The following MACF1 variants were observed in gnomAD, a reference collection of about 807,000 sequenced individuals.
MACF1 encodes the protein microtubule-actin cross-linking factor 1.
A neutral mutation model predicts 854.8 loss-of-function variants in MACF1; 193 were observed. The observed-to-expected ratio is 0.23, with a 90% CI of 0.20 to 0.25. The LOEUF (loss-of-function observed/expected upper bound fraction) is 0.25, where lower values mean the gene tolerates loss of function less well. Among genes scored for constraint, MACF1 ranks in the 10% least tolerant of loss-of-function variants. The pLI, the probability that MACF1 is intolerant of heterozygous loss-of-function variation, is 1.00. For synonymous variants in MACF1, 3,185 were observed against 3,226.7 expected, an observed-to-expected ratio of 0.99 and a Z score of 0.44; for missense variants, 7,722 against 8,929.1, an observed-to-expected ratio of 0.86 and a Z score of 5.45.
intron 57 of MACF1, 143 bp from the exon 58 acceptor site, chr1:39,387,044 G>A: frequency 1.3e-6 from 1 of 774,208 alleles, no homozygotes; most frequent in Non-Finnish European, 2.1e-6. Context: ...GTACATGAAG[G>A]AGCCTAATTA....
chr1:39,211,545 G>T (rs1644516539), intron 1 of MACF1, among the ~76,000 whole-genome samples: 2 of 152,026 alleles, frequency 1.3e-5, no homozygotes, highest in South Asian at 4.1e-4. Flanking sequence ...GGGATTACAG[G>T]CTTGAGCCAC....
intron 1 of MACF1, among the ~76,000 whole-genome samples, chr1:39,219,764 T>A (rs996832417): frequency 6.6e-6 from 1 of 152,214 alleles, no homozygotes; most frequent in African/African-American, 2.4e-5. Context: ...AAGCAGTCTT[T>A]TTTTGAGATG....
chr1:39,308,045 C>A (rs1012725388), intron 23 of MACF1, among the ~76,000 whole-genome samples: 2 of 151,328 alleles, frequency 1.3e-5, no homozygotes, highest in African/African-American at 2.4e-5. Context: ...GCTGGGACTA[C>A]AGGCATCTGC....
Position 39,439,327 on chromosome 1 carries a change from C to T in MACF1, c.18274C>T (p.Arg6092Trp), listed in dbSNP as rs769435799. The change falls in exon 72 of 101, where the codon CGG (arginine) becomes TGG (tryptophan). Residue 6092 changes from arginine to tryptophan, a missense_variant. Transcript: ENST00000564288. ...MVFFWEDIKA[R>W]AEEREIKFLD... is the part of the protein sequence containing the mutation. ...ATTCTTCTGGGAGGACATCAAAGCT[C>T]GGGCTGAAGAACGAGAAATCAAATT... 34 of 1,613,856 alleles carry T rather than the reference C, an allele frequency of 2.1e-5. No individual in the cohort carries two copies. The highest frequency in any genetic ancestry group is 1.9e-4 in the South Asian group (17 of 91,074).
rs1041933073 is a variant in MACF1 at position 39,350,694 on chromosome 1, A to G, written c.10966-91A>G. On this transcript the variant is annotated intron_variant, in intron 42 of 100. Coordinates refer to ENST00000564288, the MANE Select transcript of MACF1 (RefSeq NM_001394062.1). ...AGTTAGGGACTATATACAGGACTAT[A>G]TGTCATCCTAGCCATTCCATCTTTA... 1.5e-5 allele frequency: 13 copies of G among 874,972 alleles called. No homozygotes were observed. In the South Asian group the frequency reaches 2.0e-4, roughly 13 times the overall value. The allele number at this position is 874,972 out of a possible 1,614,324, so 54.2% of individuals were successfully genotyped here. A position where few individuals can be genotyped will look rare whatever the true frequency, so the allele number is the denominator to read the frequency against.
chr1:39,319,804 C>A lies in MACF1; in HGVS notation c.4029+57C>A, dbSNP rs1646479161. 3.3e-6 allele frequency: 4 copies of A among 1,230,376 alleles called. No homozygotes were observed. In the South Asian group the frequency reaches 3.8e-5, roughly 12 times the overall value. 76.2% of individuals were successfully genotyped at this position (1,230,376 alleles called of 1,614,324 possible). A position where few individuals can be genotyped will look rare whatever the true frequency, so the allele number is the denominator to read the frequency against. On this transcript the variant is annotated intron_variant, in intron 31 of 100. Coordinates refer to ENST00000564288, the MANE Select transcript of MACF1 (RefSeq NM_001394062.1). ...ATCATCACCAGCTCAGGAAAACCTA[C>A]ATCTTCACTGTAGGTTCTGTTTCTA... is the stretch of plus-strand genomic sequence containing the variant.
intron 58 of MACF1, chr1:39,412,881 T>G (rs755186662): frequency 6.2e-7 from 1 of 1,608,416 alleles, no homozygotes; most frequent in East Asian, 2.2e-5. Context: ...CTGCTGTAGT[T>G]GCTGCTTTAG....
At chr1:39,106,775 C>A (rs1171764706) in intron 2 of MACF1, among the ~76,000 whole-genome samples, 1 of 151,468 alleles carries the variant, frequency 6.6e-6, no homozygotes, top group African/African-American at 2.4e-5. Flanking sequence ...AATGAAGAAG[C>A]TGTAAAACGC....
At chr1:39,266,594 CTTT>C (rs11406070) in intron 6 of MACF1, among the ~76,000 whole-genome samples, 1 of 58,126 alleles carries the variant, frequency 1.7e-5, no homozygotes, top group Non-Finnish European at 3.0e-5. Context: ...TGGTCTTTTC[CTTT>C]TTTTTTTTTT....
chr1:39,383,017 A>G (rs975233818), intron 56 of MACF1, among the ~76,000 whole-genome samples: 2 of 152,170 alleles, frequency 1.3e-5, no homozygotes, highest in African/African-American at 4.8e-5. Flanking sequence ...GCTACTCGGG[A>G]GGCTGAGGCA....
In MACF1 at chr1:39,427,419, T is replaced by G. The variant is rs370821503; in HGVS notation, c.16317-36T>G. 5.6e-6 allele frequency: 9 copies of G among 1,600,232 alleles called. No individual in the cohort carries two copies. In the African/African-American group the frequency reaches 9.4e-5, roughly 17 times the overall value. ...ACTATTACCAGTTTTAATGTGACTT[T>G]TCTTCCTGAGCAGCTTGTTCTATAT... On this transcript the variant is annotated intron_variant, in intron 61 of 100. Coordinates refer to ENST00000564288, the MANE Select transcript of MACF1 (RefSeq NM_001394062.1).
chr1:39,408,951 C>CCGCCCCCGCCCT (rs1557636290), intron 58 of MACF1, among the ~76,000 whole-genome samples: 1 of 151,860 alleles, frequency 6.6e-6, no homozygotes, highest in Non-Finnish European at 1.5e-5. Flanking sequence ...GGCCCCGCCC[C>CCGCCCCCGCCCT]CGCCCTCGTC....
In MACF1 at chr1:39,439,497, T is replaced by C; in HGVS notation, c.18444T>C (p.Ala6148=). 1 of 1,613,262 alleles carries C rather than the reference T, an allele frequency of 6.2e-7. No homozygotes were observed. The highest frequency in any genetic ancestry group is 8.5e-7 in the Non-Finnish European group (1 of 1,179,274). Residue 6148 remains alanine, a synonymous_variant, in exon 72 of 101, where the codon GCT becomes GCC. Transcript: ENST00000564288. Reference sequence around the variant, plus strand: ...TCATCAAACAACAGGTTGAAGCTGCTGAGGTAAGAAGGAAACAAAACCCTT... The same window carrying C: ...TCATCAAACAACAGGTTGAAGCTGCCGAGGTAAGAAGGAAACAAAACCCTT... ...PSIIKQQVEA[A]ETIKEETDGL...
Position 39,382,105 on chromosome 1 carries a change from C to G in MACF1, c.13801C>G (p.Leu4601Val). The change falls in exon 56 of 101, where the codon CTG (leucine) becomes GTG (valine). Residue 4601 changes from leucine to valine, a missense_variant. This residue lies in a region of MACF1 where 2,807 missense variants were observed against 3,235.8 expected (regional missense o/e 0.87). Transcript: ENST00000564288. ...ACTGATGATGGGAGTGCTGGGGCCC[C>G]TGTCTATTGACCCCAACATGTTGAA... ...KELMMGVLGP[L>V]SIDPNMLNAQ... The G allele has an allele frequency of 6.2e-7, 1 of 1,614,102 alleles. No individual in the cohort carries two copies. Among genetic ancestry groups the G allele is most frequent in the Non-Finnish European group, 8.5e-7 (1 of 1,180,026 alleles).
At chr1:39,427,911 T>C (rs1643776044) in intron 62 of MACF1, 50 bp from the exon 63 acceptor site, 1 of 1,384,242 alleles carries the variant, frequency 7.2e-7, no homozygotes, top group Non-Finnish European at 1.0e-6. Flanking sequence ...TTGTGTTTAC[T>C]TTTCATTTAT....
At chr1:39,414,320 CAGA>C (rs749790052) in intron 58 of MACF1, 2 of 1,614,024 alleles carry the variant, frequency 1.2e-6, no homozygotes, top group East Asian at 2.2e-5. Flanking sequence ...GTGCCTATTT[CAGA>C]AGAAGGAACA....
intron 43 of MACF1, 129 bp downstream of exon 43, chr1:39,351,147 G>A: frequency 1.5e-6 from 1 of 661,394 alleles, no homozygotes; most frequent in South Asian, 2.0e-5. Context: ...TACTTCAGGA[G>A]CTAGTCTGGT....
rs754578648 is a variant in MACF1 at position 39,285,729 on chromosome 1, T to A, written c.1479T>A (p.Asn493Lys). The A allele has an allele frequency of 1.9e-6, 3 of 1,614,132 alleles. No homozygotes were observed. The Admixed American group carries it at 5.0e-5, about 27-fold the overall frequency. Residue 493 changes from asparagine to lysine, a missense_variant, in exon 14 of 101, where the codon AAT becomes AAA. Transcript: ENST00000564288. ...ATCTCCAGATCCTGCGGGATGAGAA[T>A]TACTACCAGCTAGAAGAGCTGGCTT... Reference protein sequence around the residue: ...QVDLQILRDENYYQLEELAFR... With the variant: ...QVDLQILRDEKYYQLEELAFR...
rs749279580 is a variant in MACF1, at chr1:39,452,357, G to A, written c.20613+7G>A. The stretch of plus-strand genomic sequence containing the variant: ...TGAGCAGGCCTTAAAACAAGTAAGG[G>A]ATATTTGCTGTCCCAACCCAAGGGA... On this transcript the variant is annotated splice_region_variant and intron_variant, in intron 86 of 100. Transcript: ENST00000564288. 3 of 1,610,764 alleles carry A rather than the reference G, an allele frequency of 1.9e-6. No homozygotes were observed. In the African/African-American group the frequency reaches 4.0e-5, roughly 22 times the overall value.
Sources: gnomAD v4.1 joint callset for allele counts (sites outside exome capture counted in the v4.1 genomes callset) on GRCh38, gnomAD v4.1.1 for gene constraint, gnomAD v4.1.1 regional missense constraint, MANE v1.5 for transcripts, NCBI Gene and HGNC (gene_info 2026-07-23, HGNC 2026-07-21) for gene names.